Variants in BABAM2 observed in about 807,000 individuals in gnomAD.
BABAM2 encodes the protein BRISC and BRCA1-A complex member 2.
BABAM2 carries 31 observed loss-of-function variants against 54.7 expected under a neutral mutation model. The ratio of observed to expected loss-of-function variants is 0.57; its 90% CI spans 0.43 to 0.77. BABAM2 has a LOEUF of 0.77. BABAM2 is among the 30% of genes least tolerant of loss of function. The pLI, the probability that BABAM2 is intolerant of heterozygous loss-of-function variation, is 0.00. For synonymous variants in BABAM2, 167 were observed against 162.9 expected (o/e 1.03, Z -0.19); for missense variants, 364 against 455.8 (o/e 0.80, Z 1.83).
In BABAM2 at chr2:28,060,873, A is replaced by G. The variant is rs535635494; in HGVS notation, c.570+15074A>G. ...ATATGTCATGTTCATATGCTGGAAGACTTAATCTCGTAAGATATCAGTTCT... is the reference window on the plus strand; with the variant it reads ...ATATGTCATGTTCATATGCTGGAAGGCTTAATCTCGTAAGATATCAGTTCT... On this transcript the variant is annotated intron_variant, in intron 6 of 11. Coordinates refer to ENST00000379624, the MANE Select transcript of BABAM2 (RefSeq NM_199191.3). 6.6e-5 allele frequency among the ~76,000 whole-genome samples: 10 copies of G among 152,348 alleles called. No homozygotes were observed. In the East Asian group the frequency reaches 1.7e-3, roughly 26 times the overall value.
chr2:28,241,451 C>G, intron 9 of BABAM2, 58 bp downstream of exon 9: 1 of 1,494,824 alleles, frequency 6.7e-7, no homozygotes, highest in Non-Finnish European at 9.3e-7. Context: ...CTGATGACCT[C>G]AACATGGGGG....
At chr2:27,974,377 A>G (rs1232478921) in intron 3 of BABAM2, among the ~76,000 whole-genome samples, 2 of 152,178 alleles carry the variant, frequency 1.3e-5, no homozygotes, top group Admixed American at 1.3e-4. Context: ...TACATTATCT[A>G]TGTATGTATA....
At chr2:28,224,849 G>GAAA (rs1406843262) in intron 7 of BABAM2, among the ~76,000 whole-genome samples, 1,733 of 60,282 alleles carry the variant, frequency 0.029, 59 homozygotes, top group African/African-American at 0.085. Flanking sequence ...ACGGTAAATT[G>GAAA]ACAAAAAAAA....
intron 7 of BABAM2, among the ~76,000 whole-genome samples, chr2:28,229,916 G>A (rs1245163768): frequency 6.6e-6 from 1 of 152,118 alleles, no homozygotes; most frequent in African/African-American, 2.4e-5. Flanking sequence ...TTTAATAATG[G>A]TGTATTTTTA....
rs1008488220 is a variant in BABAM2 at position 28,186,089 on chromosome 2, A to C, written c.681-51113A>C. 5.3e-5 allele frequency among the ~76,000 whole-genome samples: 8 copies of C among 152,194 alleles called. No homozygotes were observed. The East Asian group carries it at 1.5e-3, about 29-fold the overall frequency. On this transcript the variant is annotated intron_variant, in intron 7 of 11. Transcript: ENST00000379624. ...TTATTTCAAAACACAGTGACTCATG[A>C]ATGCAAAGTAATGCATTTCTGTTAT...
Position 28,054,001 on chromosome 2 carries a change from A to G in BABAM2, c.570+8202A>G, listed in dbSNP as rs145932909. 8.2e-3 allele frequency among the ~76,000 whole-genome samples: 1,250 copies of G among 152,300 alleles called. 11 individuals are homozygous for G. Among genetic ancestry groups the G allele is most frequent in the Middle Eastern group, 0.041 (12 of 294 alleles). Reference sequence around the variant, plus strand: ...GAATATGTACAGTTATTATTTGTCAATTAAAAAATATGAATTTCTAAAAAC... The same window carrying G: ...GAATATGTACAGTTATTATTTGTCAGTTAAAAAATATGAATTTCTAAAAAC... On this transcript the variant is annotated intron_variant, in intron 6 of 11. Coordinates refer to ENST00000379624, the MANE Select transcript of BABAM2 (RefSeq NM_199191.3).
At chr2:28,333,089 C>G (rs1342702495) in intron 11 of BABAM2, among the ~76,000 whole-genome samples, 1 of 151,958 alleles carries the variant, frequency 6.6e-6, no homozygotes, top group East Asian at 1.9e-4. Context: ...CCCCTTGGCC[C>G]CAGCGGGTAC....
chr2:28,164,596 T>C (rs1427518802), intron 7 of BABAM2, among the ~76,000 whole-genome samples: 2 of 152,084 alleles, frequency 1.3e-5, no homozygotes, highest in Admixed American at 1.3e-4. Context: ...CTTGTTTTGT[T>C]TTGCTCTTTT....
chr2:27,925,287 G>T (rs894376987), intron 2 of BABAM2, among the ~76,000 whole-genome samples: 1 of 152,052 alleles, frequency 6.6e-6, no homozygotes, highest in South Asian at 2.1e-4. Context: ...TTCCATAGAA[G>T]ATTTGGTTAT....
At chr2:28,213,474 G>A (rs908773180) in intron 7 of BABAM2, among the ~76,000 whole-genome samples, 3 of 152,084 alleles carry the variant, frequency 2.0e-5, no homozygotes, top group African/African-American at 7.2e-5. Context: ...AGAGCATTTA[G>A]TGAGACCAAG....
At chr2:28,088,753 G>A (rs560306755) in intron 6 of BABAM2, among the ~76,000 whole-genome samples, 29 of 152,324 alleles carry the variant, frequency 1.9e-4, no homozygotes, top group Middle Eastern at 3.4e-3. Flanking sequence ...GTGAGCTGCT[G>A]CTTTAAAGGA....
intron 7 of BABAM2, among the ~76,000 whole-genome samples, chr2:28,131,790 G>A (rs932153613): frequency 2.6e-5 from 4 of 152,168 alleles, no homozygotes; most frequent in East Asian, 1.9e-4. Context: ...GCAAGTACCA[G>A]TTCTAGCGTA....
chr2:27,993,053 AT>A (rs1018729743), intron 4 of BABAM2, among the ~76,000 whole-genome samples: 1 of 152,044 alleles, frequency 6.6e-6, no homozygotes, highest in Non-Finnish European at 1.5e-5. Flanking sequence ...TCATTTGATG[AT>A]TTTTGGTTGC....
At chr2:27,980,885 A>G (rs1671949070) in intron 3 of BABAM2, among the ~76,000 whole-genome samples, 1 of 152,130 alleles carries the variant, frequency 6.6e-6, no homozygotes, top group Admixed American at 6.6e-5. Context: ...TTTCAAAATA[A>G]AGAGTGGAAT....
At chr2:27,946,034 A>G (rs538701849) in intron 3 of BABAM2, among the ~76,000 whole-genome samples, 2 of 152,188 alleles carry the variant, frequency 1.3e-5, no homozygotes, top group African/African-American at 4.8e-5. Flanking sequence ...TTATTGTACT[A>G]TCTAGTGCAG....
intron 4 of BABAM2, among the ~76,000 whole-genome samples, chr2:28,019,606 A>G (rs933682366): frequency 1.3e-5 from 2 of 152,110 alleles, no homozygotes; most frequent in Non-Finnish European, 2.9e-5. Context: ...ATGTTATCTT[A>G]TAGAATCTTT....
intron 10 of BABAM2, among the ~76,000 whole-genome samples, chr2:28,291,574 A>G (rs1168179885): frequency 6.6e-6 from 1 of 152,088 alleles, no homozygotes; most frequent in Non-Finnish European, 1.5e-5. Context: ...AGCCTGGGCA[A>G]CAAGAGTGAA....
intron 3 of BABAM2, among the ~76,000 whole-genome samples, chr2:27,948,272 T>C (rs1669444281): frequency 1.3e-5 from 2 of 148,384 alleles, no homozygotes; most frequent in Admixed American, 1.3e-4. Flanking sequence ...ATACAGTTGA[T>C]TTTTTTTTTT....
chr2:28,157,462 G>T (rs1023949346), intron 7 of BABAM2, among the ~76,000 whole-genome samples: 8 of 152,184 alleles, frequency 5.3e-5, no homozygotes, highest in Non-Finnish European at 1.0e-4. Context: ...AGGTAGACAG[G>T]CTGCTATGGA....
Sources: allele counts gnomAD v4.1 joint callset (sites outside exome capture counted in the v4.1 genomes callset), GRCh38; gene constraint gnomAD v4.1.1; transcripts MANE v1.5; gene names NCBI Gene and HGNC (gene_info 2026-07-23, HGNC 2026-07-21).